Variants in SSUH2 observed in about 807,000 individuals in gnomAD.
The protein encoded by SSUH2 is ssu-2 homolog, also known as protein SSUH2 homolog.
In SSUH2, 47 loss-of-function variants were observed where a neutral mutation model predicts 55.3. That is an observed-to-expected ratio of 0.85 (90% CI 0.67 to 1.08). SSUH2 has a LOEUF of 1.08. Ranked by LOEUF, SSUH2 falls within the 50% of genes least tolerant of loss-of-function variation. SSUH2 has a pLI of 0.00. For missense variants in SSUH2, 535 were observed against 490.7 expected (o/e 1.09, Z -0.85); for synonymous variants, 212 against 191.5 (o/e 1.11, Z -0.89).
Position 8,680,803 on chromosome 3 carries a change from G to T in SSUH2, c.-1045-954C>A, listed in dbSNP as rs747434659. Among the ~76,000 whole-genome samples, 13 of 152,014 alleles carry T rather than the reference G, an allele frequency of 8.6e-5. 1 individual carries two copies. Among genetic ancestry groups the T allele is most frequent in the Middle Eastern group, 3.2e-3 (1 of 316 alleles). On this transcript the variant is annotated intron_variant, in intron 1 of 18. Transcript: ENST00000317371. ...TCAACCTCTCGGCCTCTGAATATTG[G>T]AAAGAATATTGCAGGGTGGGTGTAC...
chr3:8,652,266 T>G (rs1207660308), intron 7 of SSUH2, among the ~76,000 whole-genome samples: 1 of 152,234 alleles, frequency 6.6e-6, no homozygotes, highest in African/African-American at 2.4e-5. Flanking sequence ...TCTGCACCTG[T>G]ACCACAATCT....
At chr3:8,634,559 C>T (rs1214669044) in intron 3 of SSUH2, 1 of 1,289,740 alleles carries the variant, frequency 7.8e-7, no homozygotes, top group Non-Finnish European at 1.0e-6. Flanking sequence ...AGGGGCCCGT[C>T]TGTCTTCAGA....
At chr3:8,629,260 A>G in intron 7 of SSUH2, 1 of 184,018 alleles carries the variant, frequency 5.4e-6, no homozygotes. Context: ...AAGCCTTCCA[A>G]ACTTTACCTG....
At chr3:8,674,668 C>T (rs991612665) in intron 3 of SSUH2, among the ~76,000 whole-genome samples, 1 of 152,106 alleles carries the variant, frequency 6.6e-6, no homozygotes, top group Non-Finnish European at 1.5e-5. Context: ...CCTGACTGTC[C>T]CTTGCCCTTT....
intron 4 of SSUH2, 31 bp downstream of exon 4, chr3:8,633,635 C>T (rs1411349884): frequency 4.0e-6 from 6 of 1,490,038 alleles, no homozygotes; most frequent in Non-Finnish European, 5.4e-6. Context: ...AGCCCCCCGG[C>T]CAAGGCCCCC....
intron 3 of SSUH2, among the ~76,000 whole-genome samples, chr3:8,672,398 T>C (rs879644491): frequency 2.6e-5 from 4 of 152,024 alleles, no homozygotes; most frequent in Admixed American, 6.5e-5. Flanking sequence ...GGTAATATCA[T>C]CCTCTTTTCT....
At chr3:8,660,372 A>G (rs1308421591) in intron 6 of SSUH2, among the ~76,000 whole-genome samples, 1 of 152,228 alleles carries the variant, frequency 6.6e-6, no homozygotes, top group Non-Finnish European at 1.5e-5. Context: ...CACTTGAGGC[A>G]GAAACTTAAA....
intron 6 of SSUH2, among the ~76,000 whole-genome samples, chr3:8,660,210 G>C (rs1703338741): frequency 6.6e-6 from 1 of 152,164 alleles, no homozygotes; most frequent in Non-Finnish European, 1.5e-5. Context: ...GAAAAGGTGA[G>C]AGGAAGGAAT....
Sources: allele counts gnomAD v4.1 joint callset (sites outside exome capture counted in the v4.1 genomes callset), GRCh38; gene constraint gnomAD v4.1.1; transcripts MANE v1.5; gene names NCBI Gene and HGNC (gene_info 2026-07-23, HGNC 2026-07-21).